GMDS: variants seen among roughly 807,000 people sequenced by gnomAD.
GMDS encodes GDP-mannose 4,6 dehydratase.
GMDS carries 20 observed loss-of-function variants against 49.9 expected under a neutral mutation model. The observed-to-expected ratio is 0.40, with a 90% CI of 0.28 to 0.58. GMDS has a LOEUF of 0.58. Among genes scored for constraint, GMDS ranks in the 20% least tolerant of loss-of-function variants. GMDS has a pLI of 0.42. For missense variants in GMDS, 362 were observed against 481.4 expected (o/e 0.75, Z 2.32); for synonymous variants, 177 against 178.6 (o/e 0.99, Z 0.07).
intron 7 of GMDS, among the ~76,000 whole-genome samples, chr6:1,753,356 T>C (rs958908004): frequency 1.3e-5 from 2 of 152,112 alleles, no homozygotes; most frequent in African/African-American, 4.8e-5. Flanking sequence ...CCTAAATATA[T>C]ATGCACCCAA....
chr6:2,081,135 G>A (rs963610145), intron 4 of GMDS, among the ~76,000 whole-genome samples: 1 of 152,018 alleles, frequency 6.6e-6, no homozygotes, highest in Non-Finnish European at 1.5e-5. Flanking sequence ...TTCTTAGTGA[G>A]AAACCCATGT....
chr6:1,959,292 G>C (rs1763809457), intron 6 of GMDS, among the ~76,000 whole-genome samples: 1 of 152,096 alleles, frequency 6.6e-6, no homozygotes, highest in Non-Finnish European at 1.5e-5. Context: ...ACTCTGATTT[G>C]ATCACTACAC....
chr6:1,879,837 A>G (rs753504794), intron 7 of GMDS, among the ~76,000 whole-genome samples: 5 of 152,190 alleles, frequency 3.3e-5, no homozygotes, highest in Non-Finnish European at 5.9e-5. Flanking sequence ...CCTCAGAGAT[A>G]GTACAGCCTT....
chr6:1,852,080 G>C (rs1202661447), intron 7 of GMDS, among the ~76,000 whole-genome samples: 1 of 152,228 alleles, frequency 6.6e-6, no homozygotes, highest in Non-Finnish European at 1.5e-5. Context: ...CATCTACTTT[G>C]TTCTGGGCCA....
At chr6:1,998,047 A>C (rs1766403405) in intron 4 of GMDS, among the ~76,000 whole-genome samples, 2 of 152,180 alleles carry the variant, frequency 1.3e-5, no homozygotes, top group Non-Finnish European at 2.9e-5. Flanking sequence ...TTACTTAGGG[A>C]AGCTACTCAC....
At position 1,635,016 on chromosome 6, in the gene GMDS, G is replaced by A. The variant is rs369818727; in HGVS notation, c.988-10476C>T. On this transcript the variant is annotated intron_variant, in intron 9 of 10. Transcript: ENST00000380815. This position sits in a 1 kb window ranked among gnomAD's most constrained non-coding sequence, Gnocchi z 4.7. Reference sequence around the variant, plus strand: ...TCTACGAATCAACAATGCCAGAAGCGAAGTTCTCCTAGTGGAGTCTGCGTG... The same window carrying A: ...TCTACGAATCAACAATGCCAGAAGCAAAGTTCTCCTAGTGGAGTCTGCGTG... Among the ~76,000 whole-genome samples the A allele has an allele frequency of 3.3e-5, 5 of 152,302 alleles. No individual in the cohort carries two copies. The highest frequency in any genetic ancestry group is 4.1e-4 in the South Asian group (2 of 4,820).
At chr6:1,957,585 T>A (rs1361707399) in intron 6 of GMDS, among the ~76,000 whole-genome samples, 3 of 152,180 alleles carry the variant, frequency 2.0e-5, no homozygotes, top group Admixed American at 6.5e-5. Context: ...ATGCTACAGT[T>A]GAGGTCAAGT....
At chr6:1,810,110 G>A (rs1204697293) in intron 7 of GMDS, among the ~76,000 whole-genome samples, 1 of 152,108 alleles carries the variant, frequency 6.6e-6, no homozygotes, top group Non-Finnish European at 1.5e-5. Context: ...ATAAGGCACA[G>A]CCCTGCCCTC....
At chr6:1,926,976 C>G (rs577165839) in intron 7 of GMDS, among the ~76,000 whole-genome samples, 170 of 104,554 alleles carry the variant, frequency 1.6e-3, no homozygotes, top group African/African-American at 5.1e-3. Flanking sequence ...AATTTTTATT[C>G]AGAGGGTAGC....
chr6:1,849,776 C>G (rs778098559), intron 7 of GMDS, among the ~76,000 whole-genome samples: 2 of 152,140 alleles, frequency 1.3e-5, no homozygotes, highest in Admixed American at 1.3e-4. Flanking sequence ...ACAGAACAGA[C>G]CGAAGCTCTT....
chr6:2,094,788 G>A (rs117384706), intron 4 of GMDS, among the ~76,000 whole-genome samples: 9 of 152,076 alleles, frequency 5.9e-5, no homozygotes, highest in Non-Finnish European at 1.2e-4. Flanking sequence ...GCAGTCATAC[G>A]GAAGCACACA....
At chr6:1,705,946 G>C (rs1331163982) in intron 9 of GMDS, among the ~76,000 whole-genome samples, 5 of 152,196 alleles carry the variant, frequency 3.3e-5, no homozygotes, top group African/African-American at 1.2e-4. Context: ...TGCAAGAACA[G>C]GTGCATCTGG....
intron 4 of GMDS, among the ~76,000 whole-genome samples, chr6:2,003,201 C>T (rs537406184): frequency 2.0e-5 from 3 of 152,156 alleles, no homozygotes; most frequent in South Asian, 2.1e-4. Context: ...AAAACCTTGA[C>T]GACAATGTTG....
intron 6 of GMDS, among the ~76,000 whole-genome samples, chr6:1,933,339 C>A (rs764015552): frequency 2.0e-5 from 3 of 152,160 alleles, no homozygotes; most frequent in African/African-American, 4.8e-5. Context: ...CTACCATGAG[C>A]GTTCATGCCT....
At chr6:2,076,059 T>G (rs1367539593) in intron 4 of GMDS, among the ~76,000 whole-genome samples, 5 of 152,226 alleles carry the variant, frequency 3.3e-5, no homozygotes, top group Admixed American at 3.3e-4. Context: ...TGTCTTCTTT[T>G]GAGAAGTGTC....
At chr6:2,108,766 T>C (rs1774381972) in intron 4 of GMDS, among the ~76,000 whole-genome samples, 1 of 152,156 alleles carries the variant, frequency 6.6e-6, no homozygotes, top group African/African-American at 2.4e-5. Context: ...AGCTTAGTAG[T>C]GTGACAGGAA....
chr6:1,902,491 C>A (rs1030706938), intron 7 of GMDS, among the ~76,000 whole-genome samples: 4 of 152,098 alleles, frequency 2.6e-5, no homozygotes, highest in African/African-American at 7.2e-5. Context: ...TCCTTAATAA[C>A]CCAAAATGAT....
rs1768364856 is a variant in GMDS at position 1,766,586 on chromosome 6, C to T, written c.772-24000G>A. On this transcript the variant is annotated intron_variant, in intron 7 of 10. Coordinates refer to ENST00000380815, the MANE Select transcript of GMDS (RefSeq NM_001500.4). This position sits in a 1 kb window ranked among gnomAD's most constrained non-coding sequence, Gnocchi z 4.5. ...GCTCGGGAGGAGGGTCTAAGGTGGG[C>T]CTCGCTACTCCAGTGCCTCCGGAGC... Among the ~76,000 whole-genome samples the T allele has an allele frequency of 6.6e-6, 1 of 152,000 alleles. No individual in the cohort carries two copies. Among genetic ancestry groups the T allele is most frequent in the South Asian group, 2.1e-4 (1 of 4,810 alleles).
chr6:1,811,333 A>G (rs1770420781), intron 7 of GMDS, among the ~76,000 whole-genome samples: 1 of 152,240 alleles, frequency 6.6e-6, no homozygotes, highest in South Asian at 2.1e-4. Context: ...TGCCATGAAT[A>G]GACATTTGGA....
Sources: allele counts gnomAD v4.1 joint callset (sites outside exome capture counted in the v4.1 genomes callset), GRCh38; gene constraint gnomAD v4.1.1; non-coding constraint Gnocchi (gnomAD v3.1); transcripts MANE v1.5; gene names NCBI Gene and HGNC (gene_info 2026-07-23, HGNC 2026-07-21).